Variants in GRIN2A observed in about 807,000 individuals in gnomAD.
GRIN2A encodes glutamate receptor ionotropic, NMDA 2A.
Under a neutral mutation model 113.4 loss-of-function variants are expected in GRIN2A, and 22 were observed. That is an observed-to-expected ratio of 0.19 (90% CI 0.14 to 0.28). The LOEUF (loss-of-function observed/expected upper bound fraction) is 0.28, where lower values mean the gene tolerates loss of function less well. Ranked by LOEUF, GRIN2A falls within the 10% of genes least tolerant of loss-of-function variation. The probability of loss-of-function intolerance (pLI) is 1.00; values close to 1 mark genes in which losing one functional copy is unlikely to be tolerated. For missense variants in GRIN2A, 1,502 were observed against 1,887.0 expected, an observed-to-expected ratio of 0.80 and a Z score of 3.78; for synonymous variants, 827 against 738.4, an observed-to-expected ratio of 1.12 and a Z score of -1.94.
rs2141133085 is a variant in GRIN2A at position 9,764,186 on chromosome 16, T to C, written c.3358A>G (p.Ile1120Val). 3.1e-6 allele frequency: 5 copies of C among 1,613,652 alleles called. No homozygotes were observed. The highest frequency in any genetic ancestry group is 4.2e-6 in the Non-Finnish European group (5 of 1,179,726). Residue 1120 changes from isoleucine (I) to valine (V), a missense_variant, in exon 13 of 13, where the codon ATA becomes GTA. Coordinates refer to ENST00000330684, the MANE Select transcript of GRIN2A (RefSeq NM_001134407.3). Reference sequence around the variant, plus strand: ...AAACCAGGCTCCTTCTCACCATCTATAGTGTAGATCTTGTCTCTAGGGGAG... The same window carrying C: ...AAACCAGGCTCCTTCTCACCATCTACAGTGTAGATCTTGTCTCTAGGGGAG... The part of the protein sequence containing the change: ...SSSPRDKIYT[I>V]DGEKEPGFHL...
In GRIN2A at chr16:9,897,443, T is replaced by A. The variant is rs1185375766; in HGVS notation, c.1008-6343A>T. 2.0e-5 allele frequency among the ~76,000 whole-genome samples: 3 copies of A among 152,004 alleles called. No individual in the cohort carries two copies. In the East Asian group the frequency reaches 5.8e-4, roughly 29 times the overall value. On this transcript the variant is annotated intron_variant, in intron 3 of 12. Transcript: ENST00000330684. ...TGATTGAATATAAACGGGGCCAGAA[T>A]TGTCCAATTCTCACTAGGCCTGCTA...
intron 2 of GRIN2A, among the ~76,000 whole-genome samples, chr16:9,954,581 T>A (rs981229977): frequency 6.6e-6 from 1 of 152,042 alleles, no homozygotes; most frequent in Non-Finnish European, 1.5e-5. Flanking sequence ...GCAGAATGAG[T>A]CCTTTTCTAA....
rs1900256539 is a variant in GRIN2A, at chr16:9,753,747, G to T, written c.*9402C>A. On this transcript the variant is annotated 3_prime_UTR_variant, in exon 13 of 13. Coordinates refer to ENST00000330684, the MANE Select transcript of GRIN2A (RefSeq NM_001134407.3). ...TAAAACATGACAGATATAAACTGCT[G>T]CAGTTGATCAGTGAACATTAATTCC... 1 of 189,478 alleles carries T rather than the reference G, an allele frequency of 5.3e-6. No individual in the cohort carries two copies. 11.7% of individuals were successfully genotyped at this position (189,478 alleles called of 1,614,324 possible).
intron 2 of GRIN2A, among the ~76,000 whole-genome samples, chr16:10,050,600 G>T (rs912917084): frequency 1.3e-5 from 2 of 151,758 alleles, no homozygotes; most frequent in African/African-American, 4.8e-5. Flanking sequence ...AGGAAAACAA[G>T]TTCAGGGCTC....
intron 4 of GRIN2A, among the ~76,000 whole-genome samples, chr16:9,870,595 G>A (rs1398865983): frequency 6.6e-6 from 1 of 151,474 alleles, no homozygotes; most frequent in Admixed American, 6.6e-5. Flanking sequence ...TTTTCAGAGC[G>A]GTAAACTGAT....
chr16:9,909,756 A>G (rs952443958), intron 3 of GRIN2A, among the ~76,000 whole-genome samples: 2 of 152,092 alleles, frequency 1.3e-5, no homozygotes, highest in Non-Finnish European at 2.9e-5. Context: ...AGATTTTATT[A>G]TTTTCATGTA....
chr16:10,037,866 G>C (rs1415504087), intron 2 of GRIN2A, among the ~76,000 whole-genome samples: 1 of 152,082 alleles, frequency 6.6e-6, no homozygotes, highest in Non-Finnish European at 1.5e-5. Flanking sequence ...CAATCCTCTT[G>C]TCTCAGCCTC....
rs575074662 is a variant in GRIN2A at position 9,941,830 on chromosome 16, C to T, written c.415-3279G>A. On this transcript the variant is annotated intron_variant, in intron 2 of 12. Coordinates refer to ENST00000330684, the MANE Select transcript of GRIN2A (RefSeq NM_001134407.3). ...CTAGGTGCTATCTCATTTAATGCCA[C>T]CCCCAACCACCTTATTAAGTTGGCA... Among the ~76,000 whole-genome samples the T allele has an allele frequency of 2.7e-5, 4 of 148,832 alleles. 1 individual carries two copies. In the East Asian group the frequency reaches 5.8e-4, roughly 22 times the overall value.
At chr16:9,886,690 T>C (rs1039019501) in intron 4 of GRIN2A, among the ~76,000 whole-genome samples, 1 of 152,102 alleles carries the variant, frequency 6.6e-6, no homozygotes, top group African/African-American at 2.4e-5. Context: ...TTAATAACTA[T>C]TTGTTGAATA....
At chr16:9,926,149 T>G (rs571045878) in intron 3 of GRIN2A, among the ~76,000 whole-genome samples, 3 of 152,164 alleles carry the variant, frequency 2.0e-5, no homozygotes, top group Non-Finnish European at 4.4e-5. Context: ...ATTCAGGAAG[T>G]TTTTGCCTTT....
At chr16:9,968,654 C>T (rs1418176219) in intron 2 of GRIN2A, among the ~76,000 whole-genome samples, 4 of 152,040 alleles carry the variant, frequency 2.6e-5, no homozygotes, top group East Asian at 1.9e-4. Flanking sequence ...GTTACCCAGG[C>T]GGGAGTGCGG....
chr16:10,010,400 T>G (rs3104710), intron 2 of GRIN2A, among the ~76,000 whole-genome samples: 127,502 of 152,178 alleles, frequency 0.84, 54,267 homozygotes, highest in African/African-American at 0.9. Flanking sequence ...GAAATAATCT[T>G]TACTACAAAC....
intron 2 of GRIN2A, among the ~76,000 whole-genome samples, chr16:9,987,529 C>A (rs76891903): frequency 3.3e-5 from 5 of 152,172 alleles, no homozygotes; most frequent in Non-Finnish European, 7.3e-5. Flanking sequence ...CAAACAAATA[C>A]GCCAAAACAT....
intron 2 of GRIN2A, chr16:10,111,378 C>G (rs2048610481): frequency 4.3e-6 from 2 of 466,234 alleles, no homozygotes; most frequent in Non-Finnish European, 7.9e-6. Context: ...GGCCTTGCGG[C>G]AGCATGGCGA....
At chr16:9,793,250 T>C (rs1902731251) in intron 11 of GRIN2A, among the ~76,000 whole-genome samples, 1 of 152,184 alleles carries the variant, frequency 6.6e-6, no homozygotes, top group Non-Finnish European at 1.5e-5. Flanking sequence ...AATTTTTTCC[T>C]TCCCTTTTCT....
rs140988640 is a variant in GRIN2A at position 10,077,601 on chromosome 16, C to A, written c.414+102397G>T. On this transcript the variant is annotated intron_variant, in intron 2 of 12. Coordinates refer to ENST00000330684, the MANE Select transcript of GRIN2A (RefSeq NM_001134407.3). ...GTCCATGTTTATTATCTGCCCCAAA[C>A]CCTGCAATGGTGTTTCAGGCAAGAC... Among the ~76,000 whole-genome samples the A allele has an allele frequency of 2.0e-5, 3 of 152,328 alleles. No individual in the cohort carries two copies. In the East Asian group the frequency reaches 5.8e-4, roughly 29 times the overall value.
chr16:9,811,571 A>G (rs1030702290), intron 10 of GRIN2A, among the ~76,000 whole-genome samples: 2 of 152,128 alleles, frequency 1.3e-5, no homozygotes, highest in African/African-American at 2.4e-5. Flanking sequence ...CCAGCCTGGT[A>G]CAACGTGGCA....
intron 11 of GRIN2A, among the ~76,000 whole-genome samples, chr16:9,788,722 C>T (rs1453875774): frequency 6.7e-6 from 1 of 149,650 alleles, no homozygotes; most frequent in African/African-American, 2.5e-5. Context: ...GAGAACTGGA[C>T]AACCAACTTT....
chr16:10,008,201 T>C (rs1160511391), intron 2 of GRIN2A, among the ~76,000 whole-genome samples: 2 of 152,154 alleles, frequency 1.3e-5, no homozygotes, highest in African/African-American at 4.8e-5. Flanking sequence ...CATGATCTTA[T>C]GACAGTGCCT....
Sources: allele counts gnomAD v4.1 joint callset (sites outside exome capture counted in the v4.1 genomes callset), GRCh38; gene constraint gnomAD v4.1.1; transcripts MANE v1.5; gene names NCBI Gene and HGNC (gene_info 2026-07-23, HGNC 2026-07-21).